ROR2: variants seen among roughly 807,000 people sequenced by gnomAD.
ROR2 encodes the protein ROR family WNT receptor 2, also known as tyrosine-protein kinase transmembrane receptor ROR2.
Under a neutral mutation model 74.9 loss-of-function variants are expected in ROR2, and 33 were observed. That is an observed-to-expected ratio of 0.44 (90% CI 0.33 to 0.59). ROR2 has a LOEUF of 0.59. ROR2 is among the 20% of genes least tolerant of loss of function. The pLI, the probability that ROR2 is intolerant of heterozygous loss-of-function variation, is 0.02. For missense variants in ROR2, 1,216 were observed against 1,313.8 expected (o/e 0.93, Z 1.15); for synonymous variants, 586 against 558.7 (o/e 1.05, Z -0.69).
chr9:91,740,537 G>A (rs147612577), intron 4 of ROR2, among the ~76,000 whole-genome samples: 2,436 of 147,728 alleles, frequency 0.016, 77 homozygotes, highest in African/African-American at 0.06. Context: ...GGGTGACAAA[G>A]CAAGACTCTG....
chr9:91,863,398 G>A (rs1587797317), intron 1 of ROR2, among the ~76,000 whole-genome samples: 1 of 151,992 alleles, frequency 6.6e-6, no homozygotes, highest in Admixed American at 6.6e-5. Flanking sequence ...ATGTAGATAG[G>A]AACATTCACA....
chr9:91,741,585 A>C (rs1825248615), intron 4 of ROR2, among the ~76,000 whole-genome samples: 1 of 152,200 alleles, frequency 6.6e-6, no homozygotes, highest in African/African-American at 2.4e-5. Context: ...ATCCATGTCA[A>C]AATTCAAATG....
At chr9:91,943,316 A>C (rs1831926956) in intron 1 of ROR2, among the ~76,000 whole-genome samples, 1 of 152,206 alleles carries the variant, frequency 6.6e-6, no homozygotes, top group Non-Finnish European at 1.5e-5. Flanking sequence ...ACTGCTAATG[A>C]GGTGCTAAGA....
chr9:91,723,771 G>A lies in ROR2; in HGVS notation c.2723C>T (p.Thr908Ile). 6.2e-7 allele frequency: 1 copy of A among 1,613,734 alleles called. No individual in the cohort carries two copies. Among genetic ancestry groups the A allele is most frequent in the Non-Finnish European group, 8.5e-7 (1 of 1,180,026 alleles). ...QNAPEDGAQS[T>I]VQEAEEEEEG... is the part of the protein sequence containing the mutation. ...CTCCTCCTCCTCTGCTTCCTGCACGGTGCTCTGGGCCCCATCTTCTGGGGC... is the reference window on the plus strand; with the variant it reads ...CTCCTCCTCCTCTGCTTCCTGCACGATGCTCTGGGCCCCATCTTCTGGGGC... Residue 908 changes from threonine to isoleucine, a missense_variant, in exon 9 of 9, where the codon ACC becomes ATC. Thr to Ile is a moderately conservative substitution (Grantham distance 89). Transcript: ENST00000375708.
At chr9:91,728,431 GTTTA>G (rs758097805) in intron 7 of ROR2, among the ~76,000 whole-genome samples, 17 of 143,622 alleles carry the variant, frequency 1.2e-4, no homozygotes, top group African/African-American at 3.2e-4. Flanking sequence ...CAGAGTGTTT[GTTTA>G]TTTATTTATT....
rs753563302 is a variant in ROR2, at chr9:91,836,539, C to CAAAAAAAAAAAAAAAAAAAAAAAA, written c.98-60722_98-60721insTTTTTTTTTTTTTTTTTTTTTTTT. 8.4e-4 allele frequency among the ~76,000 whole-genome samples: 86 copies of CAAAAAAAAAAAAAAAAAAAAAAAA among 102,452 alleles called. 3 individuals are homozygous for CAAAAAAAAAAAAAAAAAAAAAAAA. Among genetic ancestry groups the CAAAAAAAAAAAAAAAAAAAAAAAA allele is most frequent in the African/African-American group, 2.7e-3 (83 of 30,298 alleles). 67.2% of individuals were successfully genotyped at this position (102,452 alleles called of 152,430 possible). A position where few individuals can be genotyped will look rare whatever the true frequency, so the allele number is the denominator to read the frequency against. ...TGGAAGACAGAGTGAGATTCCATCT[C>CAAAAAAAAAAAAAAAAAAAAAAAA]AAAAAAAAAAAAAAACAGTCTGCAG... On this transcript the variant is annotated intron_variant, in intron 1 of 8. Coordinates refer to ENST00000375708, the MANE Select transcript of ROR2 (RefSeq NM_004560.4).
At chr9:91,884,176 G>A (rs1043894508) in intron 1 of ROR2, among the ~76,000 whole-genome samples, 1 of 152,102 alleles carries the variant, frequency 6.6e-6, no homozygotes, top group African/African-American at 2.4e-5. Flanking sequence ...TGTCAATTAG[G>A]TTTCAGTTTG....
intron 1 of ROR2, among the ~76,000 whole-genome samples, chr9:91,828,323 T>A (rs1324527779): frequency 6.6e-6 from 1 of 152,258 alleles, no homozygotes; most frequent in Non-Finnish European, 1.5e-5. Flanking sequence ...TTATTGATGA[T>A]ACATAGGAAA....
chr9:91,908,423 A>C (rs998725826), intron 1 of ROR2, among the ~76,000 whole-genome samples: 2 of 152,262 alleles, frequency 1.3e-5, no homozygotes, highest in African/African-American at 4.8e-5. Flanking sequence ...AAGCAGGCTT[A>C]GTATCAGTTA....
chr9:91,755,445 G>A (rs1433373664), intron 4 of ROR2, among the ~76,000 whole-genome samples: 1 of 152,260 alleles, frequency 6.6e-6, no homozygotes, highest in Non-Finnish European at 1.5e-5. Context: ...GCAATGGAAT[G>A]AGCACTCCTC....
intron 6 of ROR2, among the ~76,000 whole-genome samples, 157 bp from the exon 7 acceptor site, chr9:91,731,312 A>G (rs1220765584): frequency 1.3e-5 from 2 of 152,246 alleles, no homozygotes; most frequent in African/African-American, 4.8e-5. Flanking sequence ...TCCCAAGCCC[A>G]CAAATTAAAT....
At chr9:91,892,590 C>CTTTTTTTTT (rs547073635) in intron 1 of ROR2, among the ~76,000 whole-genome samples, 8 of 105,446 alleles carry the variant, frequency 7.6e-5, no homozygotes, top group Non-Finnish European at 1.1e-4. Flanking sequence ...CTTTTCTTTT[C>CTTTTTTTTT]TTTTTTTTTT....
chr9:91,824,377 G>C (rs1344474150), intron 1 of ROR2, among the ~76,000 whole-genome samples: 1 of 152,218 alleles, frequency 6.6e-6, no homozygotes, highest in Admixed American at 6.5e-5. Flanking sequence ...TGCAGCATCA[G>C]CATCCCCTGG....
intron 1 of ROR2, chr9:91,948,738 G>C: frequency 1.0e-6 from 1 of 985,436 alleles, no homozygotes; most frequent in South Asian, 4.7e-5. Context: ...CAGGGATGGG[G>C]GATACTGAAG....
chr9:91,919,614 G>A (rs1465049005), intron 1 of ROR2, among the ~76,000 whole-genome samples: 1 of 151,882 alleles, frequency 6.6e-6, no homozygotes, highest in African/African-American at 2.4e-5. Flanking sequence ...CTTACCAAAT[G>A]TGTACCAGGG....
chr9:91,836,538 T>G (rs1196252077), intron 1 of ROR2, among the ~76,000 whole-genome samples: 1 of 111,054 alleles, frequency 9.0e-6, no homozygotes, highest in African/African-American at 4.7e-5. Context: ...AGATTCCATC[T>G]CAAAAAAAAA....
chr9:91,835,675 C>T (rs1420743761), intron 1 of ROR2, among the ~76,000 whole-genome samples: 1 of 152,174 alleles, frequency 6.6e-6, no homozygotes, highest in Non-Finnish European at 1.5e-5. Flanking sequence ...TTAAAATGAA[C>T]TAAATCTCTC....
chr9:91,833,068 C>A (rs1289956194), intron 1 of ROR2, among the ~76,000 whole-genome samples: 1 of 152,164 alleles, frequency 6.6e-6, no homozygotes, highest in Non-Finnish European at 1.5e-5. Context: ...CCCTGCAACA[C>A]CCCCAAAGAG....
chr9:91,915,353 C>A (rs956041402), intron 1 of ROR2, among the ~76,000 whole-genome samples: 2 of 152,096 alleles, frequency 1.3e-5, no homozygotes, highest in Admixed American at 6.6e-5. Context: ...AAAGTGTGTC[C>A]GGAGTTTTGT....
Sources: gnomAD v4.1 joint callset for allele counts (sites outside exome capture counted in the v4.1 genomes callset) on GRCh38, gnomAD v4.1.1 for gene constraint, MANE v1.5 for transcripts, NCBI Gene and HGNC (gene_info 2026-07-23, HGNC 2026-07-21) for gene names.